TFEC: variants seen among roughly 807,000 people sequenced by gnomAD.
TFEC encodes the protein class E basic helix-loop-helix protein 34.
In TFEC, 31 loss-of-function variants were observed where a neutral mutation model predicts 41.6. That is an observed-to-expected ratio of 0.74 (90% CI 0.56 to 1.01). The LOEUF (loss-of-function observed/expected upper bound fraction) is 1.01, where lower values mean the gene tolerates loss of function less well. Among genes scored for constraint, TFEC ranks in the 50% least tolerant of loss-of-function variants. TFEC has a pLI of 0.00. For missense variants in TFEC, 402 were observed against 404.1 expected, an observed-to-expected ratio of 0.99 and a Z score of 0.04; for synonymous variants, 143 against 140.6, an observed-to-expected ratio of 1.02 and a Z score of -0.12.
At chr7:116,034,196 C>G (rs1449631913), upstream of TFEC, among the ~76,000 whole-genome samples, 2 of 152,022 alleles carry the variant, frequency 1.3e-5, no homozygotes, top group African/African-American at 2.4e-5. Flanking sequence ...AGTGAAATGT[C>G]CTAAGTCTCA....
chr7:116,122,557 A>G (rs1465232084), intron 1 of TFEC, among the ~76,000 whole-genome samples: 8 of 152,084 alleles, frequency 5.3e-5, no homozygotes, highest in Admixed American at 6.6e-5. Flanking sequence ...TCATCACTGA[A>G]TCACTCATTC....
intron 6 of TFEC, among the ~76,000 whole-genome samples, chr7:115,946,419 G>GTGTT (rs1554378530): frequency 0.028 from 4,017 of 141,496 alleles, 99 homozygotes; most frequent in Non-Finnish European, 0.04. Context: ...GTGTGTGTGT[G>GTGTT]TGTGTGTGTG....
intron 3 of TFEC, among the ~76,000 whole-genome samples, chr7:116,089,063 C>A (rs541517862): frequency 6.6e-5 from 10 of 152,186 alleles, no homozygotes; most frequent in African/African-American, 2.4e-4. Flanking sequence ...TCCATTATCA[C>A]CATGCCACTG....
intron 3 of TFEC, among the ~76,000 whole-genome samples, chr7:116,097,691 T>A (rs1360077295): frequency 6.6e-6 from 1 of 152,164 alleles, no homozygotes; most frequent in Non-Finnish European, 1.5e-5. Flanking sequence ...AATTGTTTAT[T>A]TCTGGAATTT....
intron 1 of TFEC, among the ~76,000 whole-genome samples, chr7:116,023,735 T>C (rs1197454148): frequency 6.6e-6 from 1 of 152,138 alleles, no homozygotes; most frequent in Non-Finnish European, 1.5e-5. Context: ...GATTAAAGAT[T>C]GAAAAGGGCT....
chr7:116,122,684 T>A lies in TFEC; in HGVS notation c.-68-10646A>T, dbSNP rs541992428. Among the ~76,000 whole-genome samples, 9 of 152,236 alleles carry A rather than the reference T, an allele frequency of 5.9e-5. 1 individual carries two copies. In the South Asian group the frequency reaches 1.7e-3, roughly 28 times the overall value. ...AGGAAGTAACCATTGGCTTAGCATA[T>A]GAACTCCAGCATATAAGAAGCAGAA... is the stretch of plus-strand genomic sequence containing the variant. On this transcript the variant is annotated intron_variant, in intron 1 of 8. Transcript: ENST00000484212.
chr7:115,962,822 A>G (rs1191228064), intron 3 of TFEC, among the ~76,000 whole-genome samples: 1 of 151,840 alleles, frequency 6.6e-6, no homozygotes, highest in Non-Finnish European at 1.5e-5. Flanking sequence ...CAAATCTTAA[A>G]CTCAACAACA....
chr7:115,975,884 G>A (rs1793356058), intron 2 of TFEC, among the ~76,000 whole-genome samples: 1 of 152,142 alleles, frequency 6.6e-6, no homozygotes, highest in African/African-American at 2.4e-5. Context: ...ATAGAGCAGA[G>A]TGCGCAAAGG....
At chr7:116,118,328 C>T (rs1350135822) in intron 1 of TFEC, among the ~76,000 whole-genome samples, 1 of 151,888 alleles carries the variant, frequency 6.6e-6, no homozygotes, top group East Asian at 1.9e-4. Context: ...AAGTTCGGAC[C>T]TGCAAAATGT....
intron 1 of TFEC, among the ~76,000 whole-genome samples, chr7:116,001,922 G>A (rs1794614075): frequency 6.6e-6 from 1 of 151,988 alleles, no homozygotes; most frequent in South Asian, 2.1e-4. Flanking sequence ...ATATAAAAAG[G>A]TGCTCAACAT....
At chr7:116,111,362 C>T (rs1797851782) in intron 2 of TFEC, among the ~76,000 whole-genome samples, 1 of 152,006 alleles carries the variant, frequency 6.6e-6, no homozygotes, top group African/African-American at 2.4e-5. Flanking sequence ...AAAGGAAAAC[C>T]ATTCACTGTG....
chr7:116,004,236 T>C (rs1230521593), intron 1 of TFEC, among the ~76,000 whole-genome samples: 2 of 152,034 alleles, frequency 1.3e-5, no homozygotes, highest in Admixed American at 1.3e-4. Context: ...TCTAGCTAAC[T>C]AAGAAAGTTA....
intron 1 of TFEC, among the ~76,000 whole-genome samples, chr7:116,022,640 G>A (rs775454781): frequency 1.5e-4 from 23 of 152,200 alleles, no homozygotes; most frequent in Admixed American, 2.6e-4. Flanking sequence ...GCATGGCCCA[G>A]TTCAAGTTCA....
chr7:115,953,804 G>T (rs953404135), intron 5 of TFEC, among the ~76,000 whole-genome samples: 48 of 151,994 alleles, frequency 3.2e-4, no homozygotes, highest in African/African-American at 1.1e-3. Flanking sequence ...AACAGATGCA[G>T]GTTTCACAAG....
At chr7:115,980,154 A>G (rs1035732501) in intron 2 of TFEC, among the ~76,000 whole-genome samples, 2 of 152,190 alleles carry the variant, frequency 1.3e-5, no homozygotes. Context: ...CATCAGCTAA[A>G]TGTGGCCATG....
intron 1 of TFEC, among the ~76,000 whole-genome samples, chr7:116,141,539 GATC>G (rs1428983973): frequency 6.6e-6 from 1 of 152,190 alleles, no homozygotes; most frequent in African/African-American, 2.4e-5. Context: ...CCTTGGGTAT[GATC>G]ATGTGTGCTT....
chr7:115,946,597 CT>C (rs1318841268), intron 6 of TFEC, among the ~76,000 whole-genome samples: 2 of 137,220 alleles, frequency 1.5e-5, no homozygotes, highest in Middle Eastern at 3.3e-3. Flanking sequence ...TTCCTTCTTT[CT>C]TTCTTTCTTT....
rs59519535 is a variant in TFEC at position 116,108,121 on chromosome 7, A to G, written c.198+2587T>C. ...AATAAAAACTGCAAGCACTAAATAG[A>G]AAAATGTAATGAAGTTAGAAATAAT... On this transcript the variant is annotated intron_variant, in intron 3 of 8. Transcript: ENST00000484212. Among the ~76,000 whole-genome samples, 5 of 152,318 alleles carry G rather than the reference A, an allele frequency of 3.3e-5. 1 individual carries two copies. The highest frequency in any genetic ancestry group is 1.2e-4 in the African/African-American group (5 of 41,578).
intron 1 of TFEC, among the ~76,000 whole-genome samples, chr7:116,023,479 T>C (rs1189848838): frequency 6.6e-6 from 1 of 152,168 alleles, no homozygotes; most frequent in Non-Finnish European, 1.5e-5. Context: ...TTTTTGGTCA[T>C]TGATAGAGAT....
Sources: gnomAD v4.1 joint callset for allele counts (sites outside exome capture counted in the v4.1 genomes callset) on GRCh38, gnomAD v4.1.1 for gene constraint, MANE v1.5 for transcripts, NCBI Gene and HGNC (gene_info 2026-07-23, HGNC 2026-07-21) for gene names.